Variants in MED12L observed in about 807,000 individuals in gnomAD.
The protein encoded by MED12L is mediator of RNA polymerase II transcription subunit 12-like protein.
In MED12L, 60 loss-of-function variants were observed where a neutral mutation model predicts 281.3. The observed-to-expected ratio is 0.21, with a 90% confidence interval of 0.17 to 0.26. The LOEUF (loss-of-function observed/expected upper bound fraction) is 0.26, where lower values mean the gene tolerates loss of function less well. MED12L is among the 10% of genes least tolerant of loss of function. MED12L has a pLI of 1.00. For synonymous variants in MED12L, 974 were observed against 987.2 expected (o/e 0.99, Z 0.25); for missense variants, 2,146 against 2,680.9 (o/e 0.80, Z 4.41).
intron 5 of MED12L, among the ~76,000 whole-genome samples, chr3:151,141,179 T>TTTTTTTTTTTTTTGTTTTTTTG (rs1203630968): frequency 8.8e-6 from 1 of 113,968 alleles, no homozygotes. Flanking sequence ...TTTTTTTTTG[T>TTTTTTTTTTTTTTGTTTTTTTG]TTTTTTTGTT....
At chr3:151,153,682 C>T (rs1718888424) in intron 5 of MED12L, among the ~76,000 whole-genome samples, 1 of 149,614 alleles carries the variant, frequency 6.7e-6, no homozygotes, top group African/African-American at 2.5e-5. Context: ...GATTCTCCTG[C>T]CTCAGCCTCC....
At chr3:151,089,179 A>G (rs1719685270) in intron 2 of MED12L, among the ~76,000 whole-genome samples, 1 of 152,200 alleles carries the variant, frequency 6.6e-6, no homozygotes, top group African/African-American at 2.4e-5. Context: ...ATTTATTGAA[A>G]TATATGTATA....
At chr3:151,289,024 A>C (rs930456082) in intron 16 of MED12L, among the ~76,000 whole-genome samples, 2 of 152,214 alleles carry the variant, frequency 1.3e-5, no homozygotes, top group East Asian at 3.8e-4. Context: ...ATGACATTTT[A>C]CAAAAAGAGA....
chr3:151,301,806 T>A (rs1193997356), intron 16 of MED12L, among the ~76,000 whole-genome samples: 1 of 152,170 alleles, frequency 6.6e-6, no homozygotes, highest in Non-Finnish European at 1.5e-5. Flanking sequence ...TGATAAGAAT[T>A]TAAAATTACG....
chr3:151,396,787 C>A (rs920705590), intron 39 of MED12L, among the ~76,000 whole-genome samples: 1 of 152,138 alleles, frequency 6.6e-6, no homozygotes, highest in African/African-American at 2.4e-5. Flanking sequence ...TTAAGTTGTT[C>A]CTAGCACTAG....
At chr3:151,092,563 TGTTA>T (rs1202895660) in intron 2 of MED12L, among the ~76,000 whole-genome samples, 1 of 152,264 alleles carries the variant, frequency 6.6e-6, no homozygotes, top group Non-Finnish European at 1.5e-5. Flanking sequence ...TGGTAACTCC[TGTTA>T]GTTTTCTTGT....
chr3:151,193,673 C>A lies in MED12L; in HGVS notation c.2250+7C>A. ...ACATTTTCCTATACCTCTGGTAAGT[C>A]ATTGCTTCAGTTAATCTATACCCTG... On this transcript the variant is annotated splice_region_variant and intron_variant, in intron 16 of 44. Transcript: ENST00000687756. The A allele has an allele frequency of 6.2e-7, 1 of 1,607,954 alleles. No individual in the cohort carries two copies. Among genetic ancestry groups the A allele is most frequent in the South Asian group, 1.1e-5 (1 of 90,800 alleles).
chr3:151,324,127 G>A (rs2149836437), intron 16 of MED12L, among the ~76,000 whole-genome samples: 1 of 152,252 alleles, frequency 6.6e-6, no homozygotes, highest in South Asian at 2.1e-4. Flanking sequence ...GTGCACCATG[G>A]GCAAGGTGTA....
In MED12L at chr3:151,389,996, C is replaced by G; in HGVS notation, c.5469C>G (p.Asn1823Lys). 6.2e-7 allele frequency: 1 copy of G among 1,614,092 alleles called. No homozygotes were observed. The highest frequency in any genetic ancestry group is 8.5e-7 in the Non-Finnish European group (1 of 1,179,952). The change falls in exon 38 of 45, where the codon AAC (asparagine) becomes AAG (lysine). Residue 1823 changes from asparagine (N) to lysine (K), a missense_variant. Asn to Lys is a moderately conservative substitution (Grantham distance 94). This residue lies in a region of MED12L where 496 missense variants were observed against 512.0 expected (regional missense o/e 0.97). Coordinates refer to ENST00000687756, the MANE Select transcript of MED12L (RefSeq NM_001393769.1). The stretch of plus-strand genomic sequence containing the variant: ...TGTTGAAGGAATATCCACAGAGCAA[C>G]ATATACCGAGTGCCTCCTAATTACT... ...SSRVDEYPQS[N>K]IYRVPPNYSP... is the part of the protein sequence containing the mutation.
rs1342742429 is a variant in MED12L at position 151,394,762 on chromosome 3, T to C, written c.5715T>C (p.Ser1905=). The change falls in exon 39 of 45, where the codon TCT becomes TCC. Residue 1905 remains serine (S), a synonymous_variant. Transcript: ENST00000687756. ...CAGGCGCCATGATGCAGCCGCCTTCTCTTCATGCAATCACATCGCAGCAGC... is the reference window on the plus strand; with the variant it reads ...CAGGCGCCATGATGCAGCCGCCTTCCCTTCATGCAATCACATCGCAGCAGC... ...RRSGAMMQPP[S]LHAITSQQQL... 10 of 1,614,120 alleles carry C rather than the reference T, an allele frequency of 6.2e-6. No individual in the cohort carries two copies. Among genetic ancestry groups the C allele is most frequent in the Non-Finnish European group, 8.5e-6 (10 of 1,180,040 alleles).
intron 4 of MED12L, 120 bp from the exon 5 acceptor site, chr3:151,127,693 ATCAAGGATATAC>A (rs1245613340): frequency 6.5e-6 from 4 of 616,296 alleles, no homozygotes; most frequent in Non-Finnish European, 1.1e-5. Flanking sequence ...TTGAAAATCC[ATCAAGGATATAC>A]TTTCTTAGGG....
intron 27 of MED12L, among the ~76,000 whole-genome samples, chr3:151,374,892 GT>G (rs1372607817): frequency 6.6e-6 from 1 of 151,720 alleles, no homozygotes; most frequent in Non-Finnish European, 1.5e-5. Context: ...TTATTTTTTG[GT>G]TTATTCTCCC....
At chr3:151,236,322 A>G (rs747885911) in intron 16 of MED12L, among the ~76,000 whole-genome samples, 1 of 152,252 alleles carries the variant, frequency 6.6e-6, no homozygotes, top group Non-Finnish European at 1.5e-5. Flanking sequence ...TTCAATGTGC[A>G]TAGTAGATTA....
intron 16 of MED12L, chr3:151,278,397 G>A (rs751798166): frequency 1.3e-5 from 2 of 152,092 alleles, no homozygotes; most frequent in Non-Finnish European, 2.9e-5. Context: ...CTTCAACTAC[G>A]GATGAAAATC....
At chr3:151,141,687 C>CT (rs1487496132) in intron 5 of MED12L, among the ~76,000 whole-genome samples, 1 of 152,116 alleles carries the variant, frequency 6.6e-6, no homozygotes, top group African/African-American at 2.4e-5. Flanking sequence ...TTTTTTGGAT[C>CT]TTAAGTAGTT....
At chr3:151,363,629 G>A (rs527326239) in intron 21 of MED12L, among the ~76,000 whole-genome samples, 4 of 152,262 alleles carry the variant, frequency 2.6e-5, no homozygotes, top group East Asian at 3.9e-4. Flanking sequence ...TAAAATATAA[G>A]TTGTCTACAC....
chr3:151,220,286 T>TA, intron 16 of MED12L, among the ~76,000 whole-genome samples: 1 of 152,070 alleles, frequency 6.6e-6, no homozygotes, highest in South Asian at 2.1e-4. Flanking sequence ...TGTGGTCTGA[T>TA]AGGAAGAGGA....
At chr3:151,169,496 C>T (rs1238518766) in intron 11 of MED12L, among the ~76,000 whole-genome samples, 1 of 152,134 alleles carries the variant, frequency 6.6e-6, no homozygotes, top group African/African-American at 2.4e-5. Flanking sequence ...GTTAACTGAT[C>T]AGCTGGTGAT....
chr3:151,237,373 G>C (rs1312696484), intron 16 of MED12L, among the ~76,000 whole-genome samples: 1 of 87,076 alleles, frequency 1.1e-5, no homozygotes, highest in African/African-American at 4.3e-5. Flanking sequence ...TTTTGAGACA[G>C]AGTCTTACTC....
Sources: gnomAD v4.1 joint callset for allele counts (sites outside exome capture counted in the v4.1 genomes callset) on GRCh38, gnomAD v4.1.1 for gene constraint, gnomAD v4.1.1 regional missense constraint, MANE v1.5 for transcripts, NCBI Gene and HGNC (gene_info 2026-07-23, HGNC 2026-07-21) for gene names.